UNC79: variants seen among roughly 807,000 people sequenced by gnomAD.
UNC79 encodes the protein unc-79 subunit of NALCN channel complex.
In UNC79, 37 loss-of-function variants were observed where a neutral mutation model predicts 283.1. The ratio of observed to expected loss-of-function variants is 0.13; its 90% CI spans 0.10 to 0.17. UNC79 has a LOEUF of 0.17. UNC79 is among the 10% of genes least tolerant of loss of function. UNC79 has a pLI of 1.00. For missense variants in UNC79, 2,272 were observed against 3,211.1 expected, an observed-to-expected ratio of 0.71 and a Z score of 7.07; for synonymous variants, 1,107 against 1,200.2, an observed-to-expected ratio of 0.92 and a Z score of 1.61.
rs1310128902 is a variant in UNC79 at position 93,392,278 on chromosome 14, A to T, written c.-351+58755A>T. Among the ~76,000 whole-genome samples the T allele has an allele frequency of 2.6e-5, 4 of 152,212 alleles. No homozygotes were observed. The East Asian group carries it at 5.8e-4, about 22-fold the overall frequency. On this transcript the variant is annotated intron_variant, in intron 1 of 49. Transcript: ENST00000256339. The stretch of plus-strand genomic sequence containing the variant: ...ACAAATGACAGCTTCATATAACAAC[A>T]TGATGAATTTCAGAAACAATGTTGA...
chr14:93,675,183 A>G (rs2073229840), intron 41 of UNC79, among the ~76,000 whole-genome samples: 1 of 152,156 alleles, frequency 6.6e-6, no homozygotes, highest in Admixed American at 6.5e-5. Context: ...ATATTTACTG[A>G]CCACCTATCT....
rs2074466245 is a variant in UNC79, at chr14:93,688,938, TTA to T, written c.7085+100_7085+101del. ...TAGAGTTAAGGAGTACACCGAAGAT[TTA>T]TGACAGTGGAATATACTTGGTTAGG... is the stretch of plus-strand genomic sequence containing the variant. On this transcript the variant is annotated intron_variant, in intron 44 of 48. Coordinates refer to ENST00000555664, the Ensembl canonical transcript of UNC79. The surrounding 1 kb of genome is among the most constrained non-coding windows in gnomAD (Gnocchi z 4.0). The T allele has an allele frequency of 7.5e-7, 1 of 1,326,626 alleles. No individual in the cohort carries two copies. The allele number at this position is 1,326,626 out of a possible 1,614,324, so 82.2% of individuals were successfully genotyped here. A position where few individuals can be genotyped will look rare whatever the true frequency, so the allele number is the denominator to read the frequency against.
intron 1 of UNC79, among the ~76,000 whole-genome samples, chr14:93,454,174 C>G (rs575614319): frequency 1.3e-5 from 2 of 151,818 alleles, no homozygotes; most frequent in Non-Finnish European, 2.9e-5. Flanking sequence ...TCCCAAGTAG[C>G]TGGGACTACA....
At chr14:93,627,795 C>T (rs2067683869) in intron 30 of UNC79, among the ~76,000 whole-genome samples, 1 of 152,196 alleles carries the variant, frequency 6.6e-6, no homozygotes, top group African/African-American at 2.4e-5. Flanking sequence ...ACTATTTTTA[C>T]TCATATGAAA....
chr14:93,620,208 A>C (rs1257687564), intron 29 of UNC79, among the ~76,000 whole-genome samples: 1 of 152,182 alleles, frequency 6.6e-6, no homozygotes, highest in South Asian at 2.1e-4. Context: ...CTCAGAGAAG[A>C]GTCTTACTTT....
intron 41 of UNC79, among the ~76,000 whole-genome samples, chr14:93,680,001 G>A (rs2073708312): frequency 6.6e-6 from 1 of 152,138 alleles, no homozygotes; most frequent in Middle Eastern, 3.2e-3. Flanking sequence ...TGCATCTGAT[G>A]TAAAAATATG....
chr14:93,653,868 T>A lies in UNC79; in HGVS notation c.6196+14T>A. 1.9e-6 allele frequency: 3 copies of A among 1,614,098 alleles called. No individual in the cohort carries two copies. Among genetic ancestry groups the A allele is most frequent in the African/African-American group, 2.7e-5 (2 of 75,046 alleles). On this transcript the variant is annotated intron_variant, in intron 36 of 48. Transcript: ENST00000555664. ...GCACGATCAAAGGTAATTCATCCACTGAGGATCCAGGCACCACAAATTTGC... is the reference window on the plus strand; with the variant it reads ...GCACGATCAAAGGTAATTCATCCACAGAGGATCCAGGCACCACAAATTTGC...
intron 33 of UNC79, among the ~76,000 whole-genome samples, chr14:93,642,285 C>T (rs1391923636): frequency 6.6e-6 from 1 of 151,974 alleles, no homozygotes; most frequent in South Asian, 2.1e-4. Flanking sequence ...ATTAGCTGGG[C>T]CTGGTGGCGG....
At chr14:93,455,156 T>A (rs2056759805) in intron 1 of UNC79, among the ~76,000 whole-genome samples, 1 of 152,240 alleles carries the variant, frequency 6.6e-6, no homozygotes, top group African/African-American at 2.4e-5. Context: ...TTTGACATCC[T>A]TTGGACTGTT....
At chr14:93,545,190 G>T (rs1165542887) in intron 14 of UNC79, among the ~76,000 whole-genome samples, 2 of 152,150 alleles carry the variant, frequency 1.3e-5, no homozygotes, top group Non-Finnish European at 2.9e-5. Context: ...ACTCACAAGG[G>T]TGGGTTATAG....
chr14:93,655,082 C>T (rs545452765), intron 37 of UNC79, 152 bp from the exon 41 acceptor site: 96 of 723,790 alleles, frequency 1.3e-4, no homozygotes, highest in Middle Eastern at 1.2e-3. Context: ...TTCTCGTTAT[C>T]CTTCCAGTCT....
intron 47 of UNC79, among the ~76,000 whole-genome samples, chr14:93,698,959 G>A (rs6575347): frequency 0.71 from 108,007 of 152,046 alleles, 38,960 homozygotes; most frequent in African/African-American, 0.81. Flanking sequence ...ATTACTAAAT[G>A]TTACCCATCT....
intron 31 of UNC79, among the ~76,000 whole-genome samples, chr14:93,636,894 A>ATAT (rs1254969264): frequency 2.6e-5 from 4 of 152,084 alleles, no homozygotes; most frequent in African/African-American, 4.8e-5. Context: ...CATGGCTGTG[A>ATAT]TATTAGCCTT....
intron 32 of UNC79, among the ~76,000 whole-genome samples, chr14:93,638,269 C>T (rs1049577881): frequency 3.3e-5 from 5 of 152,198 alleles, no homozygotes; most frequent in Admixed American, 6.5e-5. Flanking sequence ...AGCTTTTGCT[C>T]ACATTTCTTT....
chr14:93,560,724 G>A (rs1311813053), intron 14 of UNC79, among the ~76,000 whole-genome samples: 3 of 152,074 alleles, frequency 2.0e-5, no homozygotes, highest in Non-Finnish European at 4.4e-5. Flanking sequence ...GCCACATGTA[G>A]GTAGAGGATC....
intron 1 of UNC79, among the ~76,000 whole-genome samples, chr14:93,349,082 G>A (rs1333238270): frequency 6.6e-6 from 1 of 152,102 alleles, no homozygotes; most frequent in Non-Finnish European, 1.5e-5. Context: ...GCGACACCAC[G>A]AACCCACCAG....
At chr14:93,580,078 T>C in intron 18 of UNC79, 71 bp from the exon 19 acceptor site, 1 of 1,390,908 alleles carries the variant, frequency 7.2e-7, no homozygotes, top group Admixed American at 2.2e-5. Context: ...ATTGGACAAA[T>C]GGACCAAACT....
chr14:93,462,536 G>A (rs1264471519), intron 1 of UNC79, among the ~76,000 whole-genome samples: 1 of 152,202 alleles, frequency 6.6e-6, no homozygotes, highest in Non-Finnish European at 1.5e-5. Flanking sequence ...AGAAGGAGTG[G>A]AGAGAGGCAA....
intron 14 of UNC79, among the ~76,000 whole-genome samples, chr14:93,565,467 G>A (rs2062819636): frequency 6.6e-6 from 1 of 152,130 alleles, no homozygotes; most frequent in African/African-American, 2.4e-5. Context: ...TAACTAAAGG[G>A]TCCCAATAAG....
Sources: gnomAD v4.1 joint callset for allele counts (sites outside exome capture counted in the v4.1 genomes callset) on GRCh38, gnomAD v4.1.1 for gene constraint, Gnocchi (gnomAD v3.1) non-coding constraint, MANE v1.5 for transcripts, NCBI Gene and HGNC (gene_info 2026-07-23, HGNC 2026-07-21) for gene names.